Variants in CCNDBP1 observed in about 807,000 individuals in gnomAD.
CCNDBP1 encodes cyclin D1 binding protein 1.
A neutral mutation model predicts 46.2 loss-of-function variants in CCNDBP1; 45 were observed. The ratio of observed to expected loss-of-function variants is 0.97; its 90% CI spans 0.77 to 1.25. The LOEUF (loss-of-function observed/expected upper bound fraction) is 1.25, where lower values mean the gene tolerates loss of function less well. Among genes scored for constraint, CCNDBP1 ranks in the 50% most tolerant of loss-of-function variants. The probability of loss-of-function intolerance (pLI) is 0.00; values close to 1 mark genes in which losing one functional copy is unlikely to be tolerated. For missense variants in CCNDBP1, 436 were observed against 442.1 expected (o/e 0.99, Z 0.12); for synonymous variants, 154 against 163.6 (o/e 0.94, Z 0.45).
rs1012641381 is a variant in CCNDBP1 at position 43,186,356 on chromosome 15, A to G, written c.249+123A>G. On this transcript the variant is annotated intron_variant, in intron 3 of 10. Transcript: ENST00000300213. ...TTTTCTTCATCTGTCCAGTGAGGTTACCGTTTTTACTTCACAGGATTGTTG... is the reference window on the plus strand; with the variant it reads ...TTTTCTTCATCTGTCCAGTGAGGTTGCCGTTTTTACTTCACAGGATTGTTG... 3 of 758,934 alleles carry G rather than the reference A, an allele frequency of 4.0e-6. No individual in the cohort carries two copies. In the African/African-American group the frequency reaches 5.3e-5, roughly 13 times the overall value. The allele number at this position is 758,934 out of a possible 1,614,324, so 47.0% of individuals were successfully genotyped here. A position where few individuals can be genotyped will look rare whatever the true frequency, so the allele number is the denominator to read the frequency against.
In CCNDBP1 at chr15:43,195,041, G is replaced by T; in HGVS notation, c.*200G>T. The T allele has an allele frequency of 2.4e-6, 1 of 425,346 alleles. No homozygotes were observed. Among genetic ancestry groups the T allele is most frequent in the South Asian group, 6.5e-5 (1 of 15,290 alleles). The allele number at this position is 425,346 out of a possible 1,614,324, so 26.3% of individuals were successfully genotyped here. On this transcript the variant is annotated 3_prime_UTR_variant, in exon 11 of 11. Coordinates refer to ENST00000300213, the MANE Select transcript of CCNDBP1 (RefSeq NM_012142.5). ...AAACCATATGCGTATATTTTTCTGT[G>T]CTATATATGAAAAATAATTGCATGA...
At position 43,196,822 on chromosome 15, in the gene CCNDBP1, A is replaced by G. The variant is rs969473831; in HGVS notation, c.*1981A>G. 5 of 223,346 alleles carry G rather than the reference A, an allele frequency of 2.2e-5. No individual in the cohort carries two copies. The highest frequency in any genetic ancestry group is 3.6e-5 in the Non-Finnish European group (4 of 110,772). The allele number at this position is 223,346 out of a possible 1,614,324, so 13.8% of individuals were successfully genotyped here. A position where few individuals can be genotyped will look rare whatever the true frequency, so the allele number is the denominator to read the frequency against. Reference sequence around the variant, plus strand: ...GAATGACTACTCATTTATCTGATAAAGTGATGTAGTTTGGATATTCAACCC... The same window carrying G: ...GAATGACTACTCATTTATCTGATAAGGTGATGTAGTTTGGATATTCAACCC... On this transcript the variant is annotated 3_prime_UTR_variant, in exon 11 of 11. Transcript: ENST00000300213.
intron 5 of CCNDBP1, 71 bp downstream of exon 5, chr15:43,190,222 C>T: frequency 6.3e-7 from 1 of 1,589,082 alleles, no homozygotes; most frequent in Non-Finnish European, 8.6e-7. Flanking sequence ...CTCATTTTAA[C>T]AGCAAAGTTA....
chr15:43,195,515 T>A lies in CCNDBP1; in HGVS notation c.*674T>A, dbSNP rs147918622. 1 of 152,356 alleles carries A rather than the reference T, an allele frequency of 6.6e-6. No individual in the cohort carries two copies. The highest frequency in any genetic ancestry group is 2.4e-5 in the African/African-American group (1 of 41,598). The allele number at this position is 152,356 out of a possible 1,614,324, so 9.4% of individuals were successfully genotyped here. A position where few individuals can be genotyped will look rare whatever the true frequency, so the allele number is the denominator to read the frequency against. The stretch of plus-strand genomic sequence containing the variant: ...TTCCTTATACATACTTGTGTTGTCC[T>A]TGGTTACGTGTGTCCCCAAATGTAA... On this transcript the variant is annotated 3_prime_UTR_variant, in exon 11 of 11. Transcript: ENST00000300213.
At chr15:43,187,427 G>A (rs549667693) in intron 3 of CCNDBP1, among the ~76,000 whole-genome samples, 1 of 151,950 alleles carries the variant, frequency 6.6e-6, no homozygotes, top group East Asian at 1.9e-4. Context: ...CTGTCACCAC[G>A]CCTGGCTAAT....
Position 43,194,790 on chromosome 15 carries a change from T to A in CCNDBP1, c.1032T>A (p.Asp344Glu). ...TCCCTTTACTTATTAATGCCATTGA[T>A]CATTGCATGAATAGAATCAAGGAGC... Reference protein sequence around the residue: ...SWIPLLINAIDHCMNRIKELT... With the variant: ...SWIPLLINAIEHCMNRIKELT... The change falls in exon 11 of 11, where the codon GAT becomes GAA. Residue 344 changes from aspartate (D) to glutamate (E), a missense_variant. Asp to Glu is a conservative substitution (Grantham distance 45, BLOSUM62 2). Coordinates refer to ENST00000300213, the MANE Select transcript of CCNDBP1 (RefSeq NM_012142.5). 6.2e-7 allele frequency: 1 copy of A among 1,613,998 alleles called. No individual in the cohort carries two copies. The highest frequency in any genetic ancestry group is 2.2e-5 in the East Asian group (1 of 44,880).
chr15:43,190,215 A>T lies in CCNDBP1; in HGVS notation c.428+64A>T. The T allele has an allele frequency of 1.9e-6, 3 of 1,590,964 alleles. No homozygotes were observed. In the Admixed American group the frequency reaches 5.1e-5, roughly 27 times the overall value. ...TCCTTGCCTCAGAGGGGAAAAGCTC[A>T]TTTTAACAGCAAAGTTACTGACAGC... On this transcript the variant is annotated intron_variant, in intron 5 of 10. Transcript: ENST00000300213.
At position 43,186,220 on chromosome 15, in the gene CCNDBP1, T is replaced by G. The variant is rs746229862; in HGVS notation, c.236T>G (p.Leu79Arg). 1.9e-6 allele frequency: 3 copies of G among 1,613,846 alleles called. No homozygotes were observed. In the African/African-American group the frequency reaches 4.0e-5, roughly 22 times the overall value. Reference protein sequence around the residue: ...TLTIVFSQLPLPSPQETQKFC... With the variant: ...TLTIVFSQLPRPSPQETQKFC... ...ACCATAGTCTTCTCTCAGCTTCCAC[T>G]GCCGTCTCCACAGGTGGGCTTCACT... The change falls in exon 3 of 11, where the codon CTG becomes CGG. Residue 79 changes from leucine to arginine, a missense_variant. Physicochemically the swap from Leu to Arg is moderately radical, Grantham distance 102. Coordinates refer to ENST00000300213, the MANE Select transcript of CCNDBP1 (RefSeq NM_012142.5).
rs15064 is a variant in CCNDBP1 at position 43,195,115 on chromosome 15, A to G, written c.*274A>G. 4 of 304,864 alleles carry G rather than the reference A, an allele frequency of 1.3e-5. No individual in the cohort carries two copies. Among genetic ancestry groups the G allele is most frequent in the African/African-American group, 2.2e-5 (1 of 45,942 alleles). The allele number at this position is 304,864 out of a possible 1,614,324, so 18.9% of individuals were successfully genotyped here. ...CAGAGATTCCTAGGAAAGCTGCCTT[A>G]TTCTCTTTTTGCAGTAAAGTATGTT... is the stretch of plus-strand genomic sequence containing the variant. On this transcript the variant is annotated 3_prime_UTR_variant, in exon 11 of 11. Transcript: ENST00000300213.
At position 43,194,878 on chromosome 15, in the gene CCNDBP1, C is replaced by G; in HGVS notation, c.*37C>G. The G allele has an allele frequency of 7.6e-7, 1 of 1,314,224 alleles. No homozygotes were observed. Among genetic ancestry groups the G allele is most frequent in the Non-Finnish European group, 1.1e-6 (1 of 908,590 alleles). The allele number at this position is 1,314,224 out of a possible 1,614,324, so 81.4% of individuals were successfully genotyped here. ...CATTTGTACTCTCTTCCCCTCTCAT[C>G]GTCATGGTCAGGCTCTGATACCTGC... On this transcript the variant is annotated 3_prime_UTR_variant, in exon 11 of 11. Coordinates refer to ENST00000300213, the MANE Select transcript of CCNDBP1 (RefSeq NM_012142.5).
chr15:43,191,553 G>A lies in CCNDBP1; in HGVS notation c.738G>A (p.Ala246=), dbSNP rs115809459. Residue 246 remains alanine (A), a synonymous_variant, in exon 8 of 11, where the codon GCG becomes GCA. Transcript: ENST00000300213. Reference sequence around the variant, plus strand: ...AAGAGCTCATAATCCCATGCCTTGCGCTGGTGAGAGCATCCAAAGCCTGCC... The same window carrying A: ...AAGAGCTCATAATCCCATGCCTTGCACTGGTGAGAGCATCCAAAGCCTGCC... ...DDQELIIPCL[A]LVRASKACLK... The A allele has an allele frequency of 1.3e-4, 216 of 1,614,052 alleles. 2 individuals are homozygous for A. In the Middle Eastern group the frequency reaches 1.5e-3, roughly 11 times the overall value.
At position 43,191,653 on chromosome 15, in the gene CCNDBP1, A is replaced by C; in HGVS notation, c.838A>C (p.Ile280Leu). 6.2e-7 allele frequency: 1 copy of C among 1,607,336 alleles called. No homozygotes were observed. The highest frequency in any genetic ancestry group is 8.5e-7 in the Non-Finnish European group (1 of 1,179,946). ...QVAQLDDIVD[I>L]SDEISPSVDD... ...GGCACAGCTGGATGACATTGTGGAT[A>C]TTTCTGATGAAATCAGCCCTAGGTA... The change falls in exon 8 of 11, where the codon ATT becomes CTT. Residue 280 changes from isoleucine to leucine, a missense_variant. Transcript: ENST00000300213.
intron 2 of CCNDBP1, 135 bp from the exon 3 acceptor site, chr15:43,186,019 C>A: frequency 8.5e-7 from 1 of 1,170,766 alleles, no homozygotes; most frequent in Non-Finnish European, 1.3e-6. Context: ...ACCTCAGCAC[C>A]TGAGAGGGTG....
At position 43,186,663 on chromosome 15, in the gene CCNDBP1, T is replaced by A. The variant is rs1246294890; in HGVS notation, c.249+430T>A. On this transcript the variant is annotated intron_variant, in intron 3 of 10. Transcript: ENST00000300213. The stretch of plus-strand genomic sequence containing the variant: ...CTGTTATACTGCATAATACCCTTTT[T>A]ATATTATTTTTTATATTTAATCAGT... Among the ~76,000 whole-genome samples, 3 of 152,166 alleles carry A rather than the reference T, an allele frequency of 2.0e-5. No homozygotes were observed. In the South Asian group the frequency reaches 6.2e-4, roughly 31 times the overall value.
intron 4 of CCNDBP1, 196 bp downstream of exon 4, chr15:43,189,476 T>A: frequency 4.0e-6 from 2 of 496,422 alleles, no homozygotes; most frequent in South Asian, 6.0e-5. Flanking sequence ...TCCTATGACT[T>A]CCCATCTCCC....
At chr15:43,193,146 T>C in intron 9 of CCNDBP1, 1 of 232,480 alleles carries the variant, frequency 4.3e-6, no homozygotes. Context: ...GAGACCAGCC[T>C]GGCCAACATG....
chr15:43,191,787 T>C, intron 8 of CCNDBP1, 112 bp downstream of exon 8: 1 of 1,272,534 alleles, frequency 7.9e-7, no homozygotes. Flanking sequence ...TTCAAACCTA[T>C]AGGAAAGTTT....
intron 4 of CCNDBP1, 149 bp from the exon 5 acceptor site, chr15:43,189,906 T>G: frequency 1.6e-6 from 1 of 621,136 alleles, no homozygotes; most frequent in Non-Finnish European, 2.8e-6. Context: ...GCCATGGGGA[T>G]ATAAGTAAGA....
At chr15:43,186,657 C>A (rs568189877) in intron 3 of CCNDBP1, among the ~76,000 whole-genome samples, 1 of 152,094 alleles carries the variant, frequency 6.6e-6, no homozygotes, top group African/African-American at 2.4e-5. Context: ...TGCATAATAC[C>A]CTTTTTATAT....
Sources: gnomAD v4.1 joint callset for allele counts (sites outside exome capture counted in the v4.1 genomes callset) on GRCh38, gnomAD v4.1.1 for gene constraint, MANE v1.5 for transcripts, NCBI Gene and HGNC (gene_info 2026-07-23, HGNC 2026-07-21) for gene names.